Variants in FARP1 observed in about 807,000 individuals in gnomAD.
FARP1 encodes the protein FERM, ARH/RhoGEF and pleckstrin domain protein 1.
Under a neutral mutation model 128.8 loss-of-function variants are expected in FARP1, and 52 were observed. That is an observed-to-expected ratio of 0.40 (90% CI 0.32 to 0.51). The LOEUF is 0.51. Ranked by LOEUF, FARP1 falls within the 20% of genes least tolerant of loss-of-function variation. FARP1 has a pLI of 0.45. For missense variants in FARP1, 1,333 were observed against 1,367.9 expected (o/e 0.97, Z 0.40); for synonymous variants, 580 against 551.8 (o/e 1.05, Z -0.72).
At chr13:98,372,373 C>T (rs1220088379) in intron 5 of FARP1, among the ~76,000 whole-genome samples, 2 of 152,166 alleles carry the variant, frequency 1.3e-5, no homozygotes, top group Admixed American at 1.3e-4. Context: ...GCCTGAGTCG[C>T]TGCACCCTGC....
chr13:98,377,976 G>C (rs1889666212), intron 6 of FARP1, 58 bp downstream of exon 6: 1 of 1,284,342 alleles, frequency 7.8e-7, no homozygotes, highest in Non-Finnish European at 1.1e-6. Flanking sequence ...TGATCTGATT[G>C]ATGGGAAAAA....
At chr13:98,220,207 A>G (rs1262116473) in intron 2 of FARP1, among the ~76,000 whole-genome samples, 1 of 152,070 alleles carries the variant, frequency 6.6e-6, no homozygotes, top group Non-Finnish European at 1.5e-5. Flanking sequence ...GTCTGATTGT[A>G]CTGATAATGG....
At chr13:98,391,797 C>T (rs1220904416) in intron 11 of FARP1, among the ~76,000 whole-genome samples, 1 of 152,100 alleles carries the variant, frequency 6.6e-6, no homozygotes, top group African/African-American at 2.4e-5. Flanking sequence ...AGTTTCTGGC[C>T]AGCCAGCCAG....
rs1423256334 is a variant in FARP1 at position 98,372,474 on chromosome 13, GC to G, written c.398+4280del. On this transcript the variant is annotated intron_variant, in intron 5 of 26. Transcript: ENST00000319562. The stretch of plus-strand genomic sequence containing the variant: ...CCTTTGTTCTTCCCCTTCTCTCTGG[GC>G]ATCCCGTCTTCAGTTGGATCCAGCT... Among the ~76,000 whole-genome samples, 18 of 152,122 alleles carry G rather than the reference GC, an allele frequency of 1.2e-4. No homozygotes were observed. In the East Asian group the frequency reaches 3.3e-3, roughly 28 times the overall value.
chr13:98,448,709 T>G lies in FARP1; in HGVS notation c.*392T>G. 1 of 165,368 alleles carries G rather than the reference T, an allele frequency of 6.0e-6. No homozygotes were observed. Among genetic ancestry groups the G allele is most frequent in the South Asian group, 1.7e-4 (1 of 5,878 alleles). 10.2% of individuals were successfully genotyped at this position (165,368 alleles called of 1,614,324 possible). A position where few individuals can be genotyped will look rare whatever the true frequency, so the allele number is the denominator to read the frequency against. Reference sequence around the variant, plus strand: ...TCTTTTATTATTTTCACCTATTGGCTGCTGCATTTTACGAAGTGGACTTCC... The same window carrying G: ...TCTTTTATTATTTTCACCTATTGGCGGCTGCATTTTACGAAGTGGACTTCC... On this transcript the variant is annotated 3_prime_UTR_variant, in exon 27 of 27. Transcript: ENST00000319562.
intron 2 of FARP1, among the ~76,000 whole-genome samples, chr13:98,225,802 G>A (rs944984886): frequency 4.6e-5 from 7 of 152,162 alleles, no homozygotes; most frequent in Non-Finnish European, 8.8e-5. Context: ...CTCTTGTCTG[G>A]CTCCTAAAAT....
At chr13:98,368,751 T>G (rs1889202603) in intron 5 of FARP1, among the ~76,000 whole-genome samples, 1 of 152,142 alleles carries the variant, frequency 6.6e-6, no homozygotes, top group Non-Finnish European at 1.5e-5. Context: ...AGAGTGGTTT[T>G]GAGGATAAGC....
Position 98,298,275 on chromosome 13 carries a change from T to A in FARP1, c.172-45487T>A, listed in dbSNP as rs148984884. Among the ~76,000 whole-genome samples, 267 of 152,376 alleles carry A rather than the reference T, an allele frequency of 1.8e-3. 2 individuals are homozygous for A. Among genetic ancestry groups the A allele is most frequent in the African/African-American group, 5.4e-3 (224 of 41,590 alleles). On this transcript the variant is annotated intron_variant, in intron 2 of 26. Coordinates refer to ENST00000319562, the MANE Select transcript of FARP1 (RefSeq NM_005766.4). ...GGAAAAGGGAAGACACCATGGCTTG[T>A]GTTTAAATACATTGCCTTGGGATCA...
rs111520418 is a variant in FARP1, at chr13:98,177,101, T to G, written c.-24+33609T>G. Reference sequence around the variant, plus strand: ...TCGCCCTCGTCCCCGCTGCTGCTGCTCTCTCCGTGCTCGGGGTCGCAGGCC... The same window carrying G: ...TCGCCCTCGTCCCCGCTGCTGCTGCGCTCTCCGTGCTCGGGGTCGCAGGCC... On this transcript the variant is annotated intron_variant, in intron 1 of 26. Transcript: ENST00000319562. 21 of 1,600,454 alleles carry G rather than the reference T, an allele frequency of 1.3e-5. 2 individuals are homozygous for G. Among genetic ancestry groups the G allele is most frequent in the African/African-American group, 5.3e-5 (4 of 74,962 alleles).
intron 3 of FARP1, 65 bp from the exon 4 acceptor site, chr13:98,365,330 T>C (rs1466996333): frequency 9.4e-6 from 12 of 1,275,566 alleles, no homozygotes; most frequent in East Asian, 2.3e-5. Context: ...TTAAACAAAA[T>C]CTCAAAATAC....
At chr13:98,166,724 C>CT (rs60609331) in intron 1 of FARP1, among the ~76,000 whole-genome samples, 5,015 of 137,092 alleles carry the variant, frequency 0.037, 260 homozygotes, top group African/African-American at 0.12. Flanking sequence ...GTTTTTCTTT[C>CT]TTTTTTTTTT....
chr13:98,347,433 T>G (rs1312554724), intron 3 of FARP1, among the ~76,000 whole-genome samples: 1 of 152,192 alleles, frequency 6.6e-6, no homozygotes, highest in Non-Finnish European at 1.5e-5. Flanking sequence ...CCAGCCCCTG[T>G]TCTACTTTCT....
At position 98,199,023 on chromosome 13, in the gene FARP1, C is replaced by G. The variant is rs1194125110; in HGVS notation, c.-23-14197C>G. Reference sequence around the variant, plus strand: ...AGCCCAAGAATTTGAGGCAGCTGTGCACTATTTCAGGCAGACCAAAAGCTG... The same window carrying G: ...AGCCCAAGAATTTGAGGCAGCTGTGGACTATTTCAGGCAGACCAAAAGCTG... On this transcript the variant is annotated intron_variant, in intron 1 of 26. Coordinates refer to ENST00000319562, the MANE Select transcript of FARP1 (RefSeq NM_005766.4). Among the ~76,000 whole-genome samples, 3 of 121,516 alleles carry G rather than the reference C, an allele frequency of 2.5e-5. No homozygotes were observed. In the East Asian group the frequency reaches 6.8e-4, roughly 28 times the overall value. 79.7% of individuals were successfully genotyped at this position (121,516 alleles called of 152,430 possible).
chr13:98,209,796 C>CAAAAAA (rs71111935), intron 1 of FARP1, among the ~76,000 whole-genome samples: 80 of 49,378 alleles, frequency 1.6e-3, no homozygotes, highest in African/African-American at 2.7e-3. Flanking sequence ...AACTGTGTCT[C>CAAAAAA]AAAAAAAAAA....
At chr13:98,243,985 C>T (rs1047810821) in intron 2 of FARP1, among the ~76,000 whole-genome samples, 1 of 152,006 alleles carries the variant, frequency 6.6e-6, no homozygotes, top group East Asian at 1.9e-4. Context: ...AGTTTTCTCC[C>T]CTGAGCATCT....
chr13:98,416,736 G>C (rs1891389148), intron 16 of FARP1, among the ~76,000 whole-genome samples: 1 of 152,220 alleles, frequency 6.6e-6, no homozygotes, highest in Non-Finnish European at 1.5e-5. Flanking sequence ...CAGAGGCTGA[G>C]TGCAAGGTGG....
At chr13:98,446,329 G>T in intron 25 of FARP1, 124 bp downstream of exon 25, 1 of 659,784 alleles carries the variant, frequency 1.5e-6, no homozygotes, top group Non-Finnish European at 2.7e-6. Flanking sequence ...GGATGACAGG[G>T]ATGCTGGCGG....
rs1223290656 is a variant in FARP1, at chr13:98,368,213, T to C, written c.398+18T>C. ...CTCACAAGGTTAGTGGTTTGGAAACTGTGTATTTTTTGCTACAGAGTACAG... is the reference window on the plus strand; with the variant it reads ...CTCACAAGGTTAGTGGTTTGGAAACCGTGTATTTTTTGCTACAGAGTACAG... On this transcript the variant is annotated intron_variant, in intron 5 of 26. Transcript: ENST00000319562. 1 of 1,593,300 alleles carries C rather than the reference T, an allele frequency of 6.3e-7. No homozygotes were observed. Among genetic ancestry groups the C allele is most frequent in the East Asian group, 2.2e-5 (1 of 44,750 alleles).
At chr13:98,399,616 T>C (rs1356714887) in intron 13 of FARP1, 1 of 152,212 alleles carries the variant, frequency 6.6e-6, no homozygotes, top group Non-Finnish European at 1.5e-5. Context: ...CCAATCTTTC[T>C]AGGACAATAG....
Sources: allele counts gnomAD v4.1 joint callset (sites outside exome capture counted in the v4.1 genomes callset), GRCh38; gene constraint gnomAD v4.1.1; transcripts MANE v1.5; gene names NCBI Gene and HGNC (gene_info 2026-07-23, HGNC 2026-07-21).